The following EPN2 variants were observed in gnomAD, a reference collection of about 807,000 sequenced individuals.
The protein encoded by EPN2 is epsin-2.
EPN2 carries 34 observed loss-of-function variants against 61.7 expected under a neutral mutation model. The ratio of observed to expected loss-of-function variants is 0.55; its 90% CI spans 0.42 to 0.73. EPN2 has a LOEUF of 0.73. Among genes scored for constraint, EPN2 ranks in the 30% least tolerant of loss-of-function variants. The pLI is 0.00. For missense variants in EPN2, 714 were observed against 839.2 expected, an observed-to-expected ratio of 0.85 and a Z score of 1.84; for synonymous variants, 349 against 353.6, an observed-to-expected ratio of 0.99 and a Z score of 0.15.
At chr17:19,261,923 C>T (rs1184408190) in intron 1 of EPN2, among the ~76,000 whole-genome samples, 3 of 152,194 alleles carry the variant, frequency 2.0e-5, no homozygotes, top group South Asian at 2.1e-4. Context: ...AGTGGTGGCT[C>T]ACACCTGTAA....
intron 10 of EPN2, among the ~76,000 whole-genome samples, 188 bp downstream of exon 10, chr17:19,332,256 G>A (rs1907197676): frequency 6.6e-6 from 1 of 152,040 alleles, no homozygotes; most frequent in Non-Finnish European, 1.5e-5. Context: ...TCAGTTATGT[G>A]GGGAGTGTAT....
At chr17:19,284,196 C>T (rs1017198878) in intron 3 of EPN2, among the ~76,000 whole-genome samples, 3 of 152,142 alleles carry the variant, frequency 2.0e-5, no homozygotes, top group African/African-American at 7.2e-5. Flanking sequence ...TCTACTTCAG[C>T]AAAAAAACTT....
At chr17:19,319,366 C>T (rs1236840321) in intron 7 of EPN2, among the ~76,000 whole-genome samples, 2 of 151,820 alleles carry the variant, frequency 1.3e-5, no homozygotes, top group African/African-American at 4.8e-5. Context: ...GTTTTGTCAC[C>T]CAGGCTGGAG....
intron 1 of EPN2, among the ~76,000 whole-genome samples, chr17:19,241,433 A>C (rs904119224): frequency 4.6e-5 from 7 of 152,098 alleles, no homozygotes; most frequent in African/African-American, 1.4e-4. Context: ...TAAAAATACA[A>C]AAATTAGCTG....
chr17:19,303,723 A>T (rs530888179), intron 4 of EPN2: 1 of 152,292 alleles, frequency 6.6e-6, no homozygotes, highest in African/African-American at 2.4e-5. Context: ...CTGGACAGTG[A>T]TCTGGCTGTG....
intron 7 of EPN2, chr17:19,313,496 G>T: frequency 2.3e-6 from 1 of 432,314 alleles, no homozygotes; most frequent in Non-Finnish European, 4.1e-6. Flanking sequence ...TTTCTGCTTT[G>T]GGAGAAGGAA....
chr17:19,289,724 G>GTTTTTTTTTTTTTTTTTTTTTT lies in EPN2; in HGVS notation c.766+3954_766+3955insTTTTTTTTTTTTTTTTTTTTTT, dbSNP rs58087532. Among the ~76,000 whole-genome samples, 75 of 78,038 alleles carry GTTTTTTTTTTTTTTTTTTTTTT rather than the reference G, an allele frequency of 9.6e-4. 15 individuals are homozygous for GTTTTTTTTTTTTTTTTTTTTTT. The highest frequency in any genetic ancestry group is 5.8e-3 in the East Asian group (10 of 1,732). 51.2% of individuals were successfully genotyped at this position (78,038 alleles called of 152,430 possible). A position where few individuals can be genotyped will look rare whatever the true frequency, so the allele number is the denominator to read the frequency against. ...TGTTCGGCCTCACCTGGCGCTCATG[G>GTTTTTTTTTTTTTTTTTTTTTT]TTTTTTTTTTTTTTTTTTTTGAGAT... On this transcript the variant is annotated intron_variant, in intron 4 of 10. Coordinates refer to ENST00000314728, the MANE Select transcript of EPN2 (RefSeq NM_014964.5).
intron 6 of EPN2, 113 bp from the exon 7 acceptor site, chr17:19,312,992 A>G: frequency 8.9e-7 from 1 of 1,124,234 alleles, no homozygotes; most frequent in Non-Finnish European, 1.3e-6. Context: ...AGCCCCTCCT[A>G]GAGGGCTTCA....
chr17:19,334,032 G>A lies in EPN2; in HGVS notation c.1704G>A (p.Arg568=), dbSNP rs1281008239. ...AGCCGCTGACACTGAACCAGCTTCG[G>A]GGGAGCCCAGTCCTGGGGACCAGCA... ...QPQPLTLNQL[R]GSPVLGTSTS... is the part of the protein sequence containing the mutation. Residue 568 remains arginine (R), a synonymous_variant, in exon 11 of 11, where the codon CGG becomes CGA. Transcript: ENST00000314728. The surrounding 1 kb of genome is among the most constrained non-coding windows in gnomAD (Gnocchi z 4.9). 6.2e-7 allele frequency: 1 copy of A among 1,604,748 alleles called. No individual in the cohort carries two copies. The highest frequency in any genetic ancestry group is 1.1e-5 in the South Asian group (1 of 89,608).
intron 1 of EPN2, among the ~76,000 whole-genome samples, chr17:19,243,483 C>T (rs1426580661): frequency 4.0e-5 from 6 of 149,840 alleles, no homozygotes; most frequent in African/African-American, 9.9e-5. Context: ...AGCTCCGCCT[C>T]CCGGGTTCAC....
intron 1 of EPN2, among the ~76,000 whole-genome samples, chr17:19,250,600 C>G (rs1026914571): frequency 1.3e-5 from 2 of 152,154 alleles, no homozygotes; most frequent in East Asian, 3.8e-4. Context: ...AGCCTGGGGC[C>G]TGTACTGTTG....
chr17:19,247,600 G>A (rs542977357), intron 1 of EPN2, among the ~76,000 whole-genome samples: 20 of 152,336 alleles, frequency 1.3e-4, no homozygotes, highest in African/African-American at 4.8e-4. Context: ...TCCTGCAGCT[G>A]GTGACGGGTG....
At position 19,289,724 on chromosome 17, in the gene EPN2, G is replaced by GTTTTGTTTTTTTT. The variant is rs772230550; in HGVS notation, c.766+3938_766+3939insGTTTTTTTTTTTT. 2.3e-4 allele frequency among the ~76,000 whole-genome samples: 18 copies of GTTTTGTTTTTTTT among 78,046 alleles called. 2 individuals carry two copies. The highest frequency in any genetic ancestry group is 1.8e-3 in the South Asian group (3 of 1,714). The allele number at this position is 78,046 out of a possible 152,430, so 51.2% of individuals were successfully genotyped here. A position where few individuals can be genotyped will look rare whatever the true frequency, so the allele number is the denominator to read the frequency against. On this transcript the variant is annotated intron_variant, in intron 4 of 10. Transcript: ENST00000314728. The stretch of plus-strand genomic sequence containing the variant: ...TGTTCGGCCTCACCTGGCGCTCATG[G>GTTTTGTTTTTTTT]TTTTTTTTTTTTTTTTTTTTGAGAT...
chr17:19,281,814 C>G (rs1425882962), intron 1 of EPN2, 141 bp from the exon 2 acceptor site: 1 of 152,218 alleles, frequency 6.6e-6, no homozygotes, highest in African/African-American at 2.4e-5. Context: ...CTGTCCTAAT[C>G]TACCTGGGGC....
At position 19,328,765 on chromosome 17, in the gene EPN2, T is replaced by C. The variant is rs6587220; in HGVS notation, c.1202T>C (p.Val401Ala). ...TGGGGGGTGCCCACTGGAGCCACCG[T>C]ACAATCTGTCCCCAAGAACTCGGAC... ...DPWGVPTGAT[V>A]QSVPKNSDPW... The change falls in exon 8 of 11, where the codon GTA becomes GCA. Residue 401 changes from valine to alanine, a missense_variant. Physicochemically the swap from Val to Ala is moderately conservative, Grantham distance 64 (BLOSUM62 0). Around this residue, in one of 2 missense-constraint regions of EPN2, gnomAD observed 410 missense variants for 421.8 expected, o/e 0.97. Coordinates refer to ENST00000314728, the MANE Select transcript of EPN2 (RefSeq NM_014964.5). 0.97 allele frequency: 1,561,773 copies of C among 1,613,396 alleles called. 759,002 individuals carry two copies. The highest frequency in any genetic ancestry group is 0.99 in the African/African-American group (74,652 of 75,040).
At chr17:19,325,890 T>C (rs1906844952) in intron 7 of EPN2, among the ~76,000 whole-genome samples, 1 of 152,238 alleles carries the variant, frequency 6.6e-6, no homozygotes, top group South Asian at 2.1e-4. Context: ...AATCAATAAT[T>C]GGAATGACTT....
intron 7 of EPN2, among the ~76,000 whole-genome samples, chr17:19,324,862 A>G (rs1214499116): frequency 1.3e-5 from 2 of 152,236 alleles, no homozygotes; most frequent in Non-Finnish European, 2.9e-5. Flanking sequence ...AGTAATAGAC[A>G]AATTTCTGGC....
rs901246889 is a variant in EPN2, at chr17:19,283,987, C to T, written c.595+273C>T. Among the ~76,000 whole-genome samples, 3 of 152,170 alleles carry T rather than the reference C, an allele frequency of 2.0e-5. No homozygotes were observed. Among genetic ancestry groups the T allele is most frequent in the Admixed American group, 6.5e-5 (1 of 15,280 alleles). On this transcript the variant is annotated intron_variant, in intron 3 of 10. Transcript: ENST00000314728. The surrounding 1 kb of genome is among the most constrained non-coding windows in gnomAD (Gnocchi z 7.0). ...TCTGTACATCTGGGCAGACGGTGGGCAGAGGCAGGTCTTTTCTGCTTCCTT... is the reference window on the plus strand; with the variant it reads ...TCTGTACATCTGGGCAGACGGTGGGTAGAGGCAGGTCTTTTCTGCTTCCTT...
chr17:19,306,770 G>A (rs1905863553), intron 4 of EPN2, among the ~76,000 whole-genome samples: 1 of 152,176 alleles, frequency 6.6e-6, no homozygotes, highest in Admixed American at 6.5e-5. Context: ...GATGGGGCTT[G>A]TTTTCCAGAG....
Sources: gnomAD v4.1 joint callset for allele counts (sites outside exome capture counted in the v4.1 genomes callset) on GRCh38, gnomAD v4.1.1 for gene constraint, gnomAD v4.1.1 regional missense constraint, Gnocchi (gnomAD v3.1) non-coding constraint, MANE v1.5 for transcripts, NCBI Gene and HGNC (gene_info 2026-07-23, HGNC 2026-07-21) for gene names.